The following ABHD5 variants were observed in gnomAD, a reference collection of about 807,000 sequenced individuals.
ABHD5 encodes the protein abhydrolase domain containing 5, lysophosphatidic acid acyltransferase.
Under a neutral mutation model 44.9 loss-of-function variants are expected in ABHD5, and 30 were observed. The ratio of observed to expected loss-of-function variants is 0.67; its 90% confidence interval spans 0.50 to 0.91. ABHD5 has a LOEUF of 0.91. Ranked by LOEUF, ABHD5 falls within the 40% of genes least tolerant of loss-of-function variation. ABHD5 has a pLI of 0.00. For synonymous variants in ABHD5, 167 were observed against 147.0 expected (o/e 1.14, Z -0.99); for missense variants, 399 against 423.4 (o/e 0.94, Z 0.50).
chr3:43,733,607 G>C (rs912931033), intron 7 of ABHD5, among the ~76,000 whole-genome samples: 2 of 152,140 alleles, frequency 1.3e-5, no homozygotes, highest in African/African-American at 2.4e-5. Context: ...TTTCACATCT[G>C]GATTGTTGTC....
intron 3 of ABHD5, among the ~76,000 whole-genome samples, chr3:43,703,897 A>G (rs1281765205): frequency 6.6e-6 from 1 of 152,140 alleles, no homozygotes; most frequent in Non-Finnish European, 1.5e-5. Flanking sequence ...TTTAGCATTT[A>G]CACCTGATTT....
At position 43,720,949 on chromosome 3, in the gene ABHD5, A is replaced by C. The variant is rs1486679248; in HGVS notation, c.*2417A>C. 1.3e-5 allele frequency: 2 copies of C among 151,988 alleles called. No homozygotes were observed. The highest frequency in any genetic ancestry group is 4.8e-5 in the African/African-American group (2 of 41,408). 9.4% of individuals were successfully genotyped at this position (151,988 alleles called of 1,614,324 possible). ...AGCCTTGCCTAAGGTTGGTTTTAGA[A>C]TATGATTTGCAGAACACTTTTGAAA... On this transcript the variant is annotated 3_prime_UTR_variant, in exon 7 of 7. Coordinates refer to ENST00000644371, the MANE Select transcript of ABHD5 (RefSeq NM_016006.6).
downstream of ABHD5, among the ~76,000 whole-genome samples, chr3:43,724,410 T>A (rs2084864244): frequency 6.6e-6 from 1 of 152,116 alleles, no homozygotes; most frequent in African/African-American, 2.4e-5. Context: ...CACAATACTG[T>A]ATATGGCAAA....
intron 3 of ABHD5, among the ~76,000 whole-genome samples, chr3:43,709,623 A>G (rs1404333689): frequency 6.6e-6 from 1 of 152,238 alleles, no homozygotes; most frequent in African/African-American, 2.4e-5. Flanking sequence ...TCAGTAGTGA[A>G]TAATAGTGGC....
intron 5 of ABHD5, among the ~76,000 whole-genome samples, chr3:43,716,889 AGG>A (rs2084769254): frequency 6.6e-6 from 1 of 152,182 alleles, no homozygotes; most frequent in African/African-American, 2.4e-5. Context: ...GAATAGCAGA[AGG>A]GACCAGGCGT....
At chr3:43,691,163 C>G in intron 1 of ABHD5, 124 bp downstream of exon 1, 1 of 973,480 alleles carries the variant, frequency 1.0e-6, no homozygotes, top group South Asian at 2.8e-5. Context: ...GCGGCTTCCT[C>G]GACCCTCCCC....
At chr3:43,714,137 CT>C (rs542982546) in intron 4 of ABHD5, among the ~76,000 whole-genome samples, 11,500 of 136,528 alleles carry the variant, frequency 0.084, 416 homozygotes, top group South Asian at 0.19. Context: ...TTCTTTTTTT[CT>C]TTTTTTTTTT....
At position 43,717,986 on chromosome 3, in the gene ABHD5, A is replaced by G. The variant is rs2084789159; in HGVS notation, c.960+129A>G. 3 of 1,158,512 alleles carry G rather than the reference A, an allele frequency of 2.6e-6. 1 individual carries two copies. 71.8% of individuals were successfully genotyped at this position (1,158,512 alleles called of 1,614,324 possible). A position where few individuals can be genotyped will look rare whatever the true frequency, so the allele number is the denominator to read the frequency against. ...GCCATACCTGCAGCCTCAGTCGGGG[A>G]CGTGATACCACCTGTGATGGGTGCA... On this transcript the variant is annotated intron_variant, in intron 6 of 6. Coordinates refer to ENST00000644371, the MANE Select transcript of ABHD5 (RefSeq NM_016006.6).
intron 7 of ABHD5, among the ~76,000 whole-genome samples, chr3:43,729,156 A>T (rs756938224): frequency 4.8e-4 from 73 of 152,180 alleles, no homozygotes; most frequent in Admixed American, 2.0e-4. Flanking sequence ...CCCAGAAAGG[A>T]CTGGGGTCAA....
At chr3:43,704,033 C>CTTTTTTTTTTTTTTT (rs10544525) in intron 3 of ABHD5, among the ~76,000 whole-genome samples, 11 of 84,860 alleles carry the variant, frequency 1.3e-4, no homozygotes, top group East Asian at 3.4e-4. Context: ...TCTTTATTTT[C>CTTTTTTTTTTTTTTT]TTTTTTTTTT....
intron 7 of ABHD5, among the ~76,000 whole-genome samples, chr3:43,728,687 C>T (rs570515761): frequency 2.0e-5 from 3 of 152,092 alleles, no homozygotes; most frequent in East Asian, 1.9e-4. Context: ...AATCTTTGAC[C>T]GTGGGGACAG....
chr3:43,732,689 TA>T (rs1328999856), intron 7 of ABHD5, among the ~76,000 whole-genome samples: 3 of 152,182 alleles, frequency 2.0e-5, no homozygotes, highest in Non-Finnish European at 1.5e-5. Flanking sequence ...ATTAGTGACT[TA>T]CCCAACACAC....
At chr3:43,693,177 G>T (rs1030058728) in intron 1 of ABHD5, among the ~76,000 whole-genome samples, 1 of 152,178 alleles carries the variant, frequency 6.6e-6, no homozygotes, top group African/African-American at 2.4e-5. Context: ...TTGCTCAGTT[G>T]CAGGGTAGAC....
chr3:43,698,290 C>G (rs2084498071), intron 1 of ABHD5, among the ~76,000 whole-genome samples: 1 of 152,228 alleles, frequency 6.6e-6, no homozygotes, highest in Admixed American at 6.5e-5. Flanking sequence ...CTTCTTGTCT[C>G]TATCCCTGTT....
intron 3 of ABHD5, among the ~76,000 whole-genome samples, chr3:43,704,362 C>G (rs2084589099): frequency 6.6e-6 from 1 of 152,128 alleles, no homozygotes; most frequent in African/African-American, 2.4e-5. Context: ...TTATTGTGTC[C>G]TACTCTTAGT....
At chr3:43,704,117 G>A (rs140306472) in intron 3 of ABHD5, among the ~76,000 whole-genome samples, 4 of 132,028 alleles carry the variant, frequency 3.0e-5, no homozygotes, top group South Asian at 2.5e-4. Context: ...TCGGCTCACC[G>A]CAACCTCCGT....
chr3:43,693,649 T>C (rs1453448394), intron 1 of ABHD5, among the ~76,000 whole-genome samples: 1 of 152,160 alleles, frequency 6.6e-6, no homozygotes, highest in Admixed American at 6.5e-5. Flanking sequence ...TAATGATAGC[T>C]ACTACTTTTT....
chr3:43,716,259 G>A (rs1433168608), intron 5 of ABHD5, among the ~76,000 whole-genome samples: 1 of 152,062 alleles, frequency 6.6e-6, no homozygotes, highest in African/African-American at 2.4e-5. Context: ...AATTATTGGG[G>A]GTGCTTGTTG....
chr3:43,691,533 C>T (rs2084385270), intron 1 of ABHD5: 5 of 152,478 alleles, frequency 3.3e-5, no homozygotes, highest in Admixed American at 3.3e-4. Flanking sequence ...TCTGTCCAGC[C>T]TCAGCCACTG....
Sources: allele counts gnomAD v4.1 joint callset (sites outside exome capture counted in the v4.1 genomes callset), GRCh38; gene constraint gnomAD v4.1.1; transcripts MANE v1.5; gene names NCBI Gene and HGNC (gene_info 2026-07-23, HGNC 2026-07-21).